HBS1L: variants seen among roughly 807,000 people sequenced by gnomAD.
HBS1L encodes the protein HBS1 like translational GTPase.
Under a neutral mutation model 88.9 loss-of-function variants are expected in HBS1L, and 55 were observed. The ratio of observed to expected loss-of-function variants is 0.62; its 90% CI spans 0.50 to 0.77. The LOEUF is 0.77. Among genes scored for constraint, HBS1L ranks in the 30% least tolerant of loss-of-function variants. The pLI is 0.00. For synonymous variants in HBS1L, 267 were observed against 288.5 expected (o/e 0.93, Z 0.76); for missense variants, 741 against 829.3 (o/e 0.89, Z 1.31).
At chr6:134,990,023 T>A (rs1775086541) in intron 8 of HBS1L, among the ~76,000 whole-genome samples, 2 of 152,182 alleles carry the variant, frequency 1.3e-5, no homozygotes, top group Non-Finnish European at 2.9e-5. Context: ...AACTTCCAAG[T>A]CCTAGGCTCA....
At chr6:134,989,503 T>C (rs1225309977) in intron 8 of HBS1L, among the ~76,000 whole-genome samples, 1 of 152,206 alleles carries the variant, frequency 6.6e-6, no homozygotes, top group Non-Finnish European at 1.5e-5. Flanking sequence ...GCTTCCCCAA[T>C]GACCCTTTAC....
rs566307250 is a variant in HBS1L, at chr6:135,036,666, C to T, written c.430+2907G>A. On this transcript the variant is annotated intron_variant, in intron 4 of 17. Transcript: ENST00000367837. ...CTACAAGTGGACTTATTTCTTTGTC[C>T]TTTACATCTTGAACTTGTCTACTAT... is the stretch of plus-strand genomic sequence containing the variant. 26 of 1,551,264 alleles carry T rather than the reference C, an allele frequency of 1.7e-5. No individual in the cohort carries two copies. The African/African-American group carries it at 1.8e-4, about 11-fold the overall frequency.
At chr6:135,017,513 C>T (rs1007897487) in intron 4 of HBS1L, among the ~76,000 whole-genome samples, 1 of 151,984 alleles carries the variant, frequency 6.6e-6, no homozygotes, top group Non-Finnish European at 1.5e-5. Context: ...TAATGTAGAA[C>T]ACTAGTTTTT....
chr6:135,014,959 C>T (rs1007865651), intron 4 of HBS1L, among the ~76,000 whole-genome samples: 4 of 151,832 alleles, frequency 2.6e-5, no homozygotes, highest in Admixed American at 1.3e-4. Context: ...TGCTTGAGCC[C>T]GGGAGGCGGA....
rs1309478137 is a variant in HBS1L, at chr6:135,042,086, A to G, written c.150T>C (p.Val50=). Residue 50 remains valine (V), a synonymous_variant, in exon 3 of 18, where the codon GTT becomes GTC. Coordinates refer to ENST00000367837, the MANE Select transcript of HBS1L (RefSeq NM_006620.4). The stretch of plus-strand genomic sequence containing the variant: ...CATAATCATATTCTTCCACAGGCTC[A>G]ACGGAAGGTTTGTCACGCCGTGAAT... ...FIYSRRDKPS[V]EPVEEYDYED... is the part of the protein sequence containing the mutation. 1 of 1,613,274 alleles carries G rather than the reference A, an allele frequency of 6.2e-7. No individual in the cohort carries two copies. The highest frequency in any genetic ancestry group is 1.7e-5 in the Admixed American group (1 of 60,008).
intron 4 of HBS1L, among the ~76,000 whole-genome samples, chr6:135,014,522 C>G (rs1285219003): frequency 1.3e-5 from 2 of 152,112 alleles, no homozygotes; most frequent in Non-Finnish European, 2.9e-5. Context: ...GAGACCACAA[C>G]CACTGTGACT....
chr6:134,991,478 G>T (rs146781665), intron 8 of HBS1L, among the ~76,000 whole-genome samples: 75 of 152,270 alleles, frequency 4.9e-4, no homozygotes, highest in Middle Eastern at 6.8e-3. Context: ...GCACATGGAG[G>T]AATGACTGTA....
chr6:134,978,701 A>C lies in HBS1L; in HGVS notation c.1775T>G (p.Ile592Ser). The C allele has an allele frequency of 6.3e-7, 1 of 1,593,426 alleles. No individual in the cohort carries two copies. The highest frequency in any genetic ancestry group is 8.6e-7 in the Non-Finnish European group (1 of 1,165,602). ...TACAGGAAATCCTTTAGTGATAGGA[A>C]TTTCAATATTAAAGATGAGGATTCG... The part of the protein sequence containing the change: ...RARILIFNIE[I>S]PITKGFPVLL... The change falls in exon 15 of 18, where the codon ATT becomes AGT. Residue 592 changes from isoleucine to serine, a missense_variant. Ile to Ser is a moderately radical substitution (Grantham distance 142, BLOSUM62 -2). Transcript: ENST00000367837.
At chr6:135,036,899 GAACTTT>G (rs1258439488) in intron 4 of HBS1L, 1 of 1,551,544 alleles carries the variant, frequency 6.4e-7, no homozygotes, top group Admixed American at 2.0e-5. Flanking sequence ...TTTGAACTTA[GAACTTT>G]AGTTCGTGAT....
intron 4 of HBS1L, chr6:135,027,177 G>A (rs1244787875): frequency 2.1e-5 from 2 of 97,532 alleles, no homozygotes; most frequent in African/African-American, 8.3e-5. Context: ...GGGTGACAGA[G>A]ACTCTATCTC....
At chr6:135,014,475 GA>G (rs962053279) in intron 4 of HBS1L, among the ~76,000 whole-genome samples, 37 of 151,682 alleles carry the variant, frequency 2.4e-4, no homozygotes, top group Non-Finnish European at 4.3e-4. Flanking sequence ...AAGATGAAAC[GA>G]AAAAAAGAGA....
chr6:135,014,014 G>A (rs987941688), intron 4 of HBS1L, among the ~76,000 whole-genome samples: 3 of 152,062 alleles, frequency 2.0e-5, no homozygotes, highest in African/African-American at 7.2e-5. Flanking sequence ...CTTGATGGAG[G>A]GGGGTACCAG....
intron 13 of HBS1L, 77 bp from the exon 14 acceptor site, chr6:134,979,345 AT>A: frequency 9.7e-7 from 1 of 1,031,054 alleles, no homozygotes; most frequent in Non-Finnish European, 1.5e-6. Flanking sequence ...AGTTTGGCTG[AT>A]TTGTGCTTCA....
chr6:135,000,435 A>G (rs1274154514), intron 5 of HBS1L, among the ~76,000 whole-genome samples: 1 of 151,942 alleles, frequency 6.6e-6, no homozygotes, highest in Non-Finnish European at 1.5e-5. Context: ...TAAACTATAC[A>G]TGAATCTAGA....
intron 2 of HBS1L, among the ~76,000 whole-genome samples, chr6:135,046,499 C>T (rs1776918006): frequency 6.6e-6 from 1 of 152,162 alleles, no homozygotes; most frequent in South Asian, 2.1e-4. Context: ...CTACCCCCTA[C>T]TCTTTGACAT....
chr6:134,985,257 T>C (rs544840134), intron 12 of HBS1L, 84 bp downstream of exon 12: 33 of 793,310 alleles, frequency 4.2e-5, no homozygotes, highest in Admixed American at 5.0e-5. Context: ...CAATATACTG[T>C]CATAACTTAG....
chr6:135,052,006 T>A lies in HBS1L; in HGVS notation c.44-1359A>T, dbSNP rs116051532. Among the ~76,000 whole-genome samples, 1,023 of 152,190 alleles carry A rather than the reference T, an allele frequency of 6.7e-3. 13 individuals carry two copies. The highest frequency in any genetic ancestry group is 0.024 in the African/African-American group (982 of 41,500). On this transcript the variant is annotated intron_variant, in intron 1 of 17. Transcript: ENST00000367837. ...ACAGAGCAATTTGGGAACACACACA[T>A]GAATGACAAAACTAGAACCGGGAGT... is the stretch of plus-strand genomic sequence containing the variant.
Position 135,054,672 on chromosome 6 carries a change from A to G in HBS1L, c.20T>C (p.Val7Ala), listed in dbSNP as rs2114939548. Residue 7 changes from valine (V) to alanine (A), a missense_variant, in exon 1 of 18, where the codon GTT becomes GCT. Coordinates refer to ENST00000367837, the MANE Select transcript of HBS1L (RefSeq NM_006620.4). ...ACCTTCATCGTAGTTATAGCCTCGA[A>G]CATTCCGATGCCGGGCCATGACGGC... is the stretch of plus-strand genomic sequence containing the variant. The part of the protein sequence containing the change: MARHRN[V>A]RGYNYDEDFE... 6.2e-7 allele frequency: 1 copy of G among 1,614,264 alleles called. No individual in the cohort carries two copies. The highest frequency in any genetic ancestry group is 1.3e-5 in the African/African-American group (1 of 75,072).
At chr6:135,035,521 A>G (rs1776511028) in intron 4 of HBS1L, among the ~76,000 whole-genome samples, 1 of 151,844 alleles carries the variant, frequency 6.6e-6, no homozygotes, top group Non-Finnish European at 1.5e-5. Flanking sequence ...CGGGCGGATC[A>G]TGAGGTCAGG....
Sources: gnomAD v4.1 joint callset for allele counts (sites outside exome capture counted in the v4.1 genomes callset) on GRCh38, gnomAD v4.1.1 for gene constraint, MANE v1.5 for transcripts, NCBI Gene and HGNC (gene_info 2026-07-23, HGNC 2026-07-21) for gene names.